Variants in TOP1MT observed in about 807,000 individuals in gnomAD.
The protein encoded by TOP1MT is DNA topoisomerase I mitochondrial, also known as DNA topoisomerase I, mitochondrial.
In TOP1MT, 80 loss-of-function variants were observed where a neutral mutation model predicts 73.9. That is an observed-to-expected ratio of 1.08 (90% confidence interval 0.90 to 1.30). TOP1MT has a LOEUF of 1.30. Among genes scored for constraint, TOP1MT ranks in the 50% most tolerant of loss-of-function variants. The probability of loss-of-function intolerance (pLI) is 0.00; values close to 1 mark genes in which losing one functional copy is unlikely to be tolerated. For missense variants in TOP1MT, 815 were observed against 808.0 expected (o/e 1.01, Z -0.10); for synonymous variants, 338 against 326.4 (o/e 1.04, Z -0.38).
At chr8:143,357,927 A>AG (rs1414152972), upstream of TOP1MT, among the ~76,000 whole-genome samples, 1 of 151,906 alleles carries the variant, frequency 6.6e-6, no homozygotes, top group African/African-American at 2.4e-5. Flanking sequence ...GTCTCAAAAA[A>AG]AAAAAAAAAA....
chr8:143,321,999 C>T, intron 7 of TOP1MT, among the ~76,000 whole-genome samples: 1 of 116,686 alleles, frequency 8.6e-6, no homozygotes, highest in East Asian at 3.0e-4. Context: ...CACATGCACG[C>T]CACACACATG....
chr8:143,348,208 C>T (rs1405741410), upstream of TOP1MT, among the ~76,000 whole-genome samples: 1 of 152,222 alleles, frequency 6.6e-6, no homozygotes, highest in Non-Finnish European at 1.5e-5. This position sits in a 1 kb window ranked among gnomAD's most constrained non-coding sequence, Gnocchi z 4.6. Context: ...CTCCCTGCTC[C>T]AAAGTCCCTC....
At chr8:143,336,983 T>C (rs1816992555), upstream of TOP1MT, among the ~76,000 whole-genome samples, 1 of 152,096 alleles carries the variant, frequency 6.6e-6, no homozygotes, top group Admixed American at 6.5e-5. Flanking sequence ...TATTATAGCA[T>C]GAAAAAATAA....
rs1438548446 is a variant in TOP1MT at position 143,309,420 on chromosome 8, A to T, written c.*21T>A. On this transcript the variant is annotated 3_prime_UTR_variant, in exon 14 of 14. Transcript: ENST00000329245. ...AAAAAAACACACACACATACAAAAG[A>T]AGTTTCAACACGGCTCGTCGTTAGA... 1 of 1,610,690 alleles carries T rather than the reference A, an allele frequency of 6.2e-7. No individual in the cohort carries two copies. The highest frequency in any genetic ancestry group is 8.5e-7 in the Non-Finnish European group (1 of 1,178,574).
At chr8:143,323,601 G>A (rs1480247917) in intron 7 of TOP1MT, among the ~76,000 whole-genome samples, 8 of 31,876 alleles carry the variant, frequency 2.5e-4, no homozygotes, top group African/African-American at 7.4e-4. Flanking sequence ...ACACACACAC[G>A]CACGCCACAC....
upstream of TOP1MT, chr8:143,358,718 G>GCCCACCA (rs1817452949): frequency 2.6e-5 from 4 of 152,156 alleles, no homozygotes; most frequent in Non-Finnish European, 5.9e-5. Flanking sequence ...CAGCAGGACC[G>GCCCACCA]TTCCACAGAG....
At chr8:143,337,530 G>A (rs559959901), upstream of TOP1MT, among the ~76,000 whole-genome samples, 47 of 152,244 alleles carry the variant, frequency 3.1e-4, no homozygotes, top group South Asian at 7.7e-3. Context: ...AAATACAAGG[G>A]ACCCAGAATA....
chr8:143,353,679 C>T (rs949753671), intron 1 of TOP1MT, among the ~76,000 whole-genome samples: 17 of 151,988 alleles, frequency 1.1e-4, no homozygotes, highest in African/African-American at 3.1e-4. Flanking sequence ...AACGGTAATG[C>T]TGCTTTAAAT....
upstream of TOP1MT, chr8:143,335,016 C>G (rs902273276): frequency 2.6e-6 from 2 of 766,008 alleles, no homozygotes; most frequent in African/African-American, 2.0e-5. Flanking sequence ...GGGGCTGCGG[C>G]AGCAGGACCA....
rs773361638 is a variant in TOP1MT, at chr8:143,321,372, T to C, written c.975A>G (p.Ala325=). The C allele has an allele frequency of 6.3e-7, 1 of 1,587,420 alleles. No homozygotes were observed. The highest frequency in any genetic ancestry group is 1.1e-5 in the South Asian group (1 of 89,454). ...CCTCACCGTCCTCCTTCTCATTTCC[T>C]GCTCTCAGTGCCAGCTAGTTGGTGG... The part of the protein sequence containing the change: ...LYFIDKLALR[A]GNEKEDGEAA... Residue 325 remains alanine (A), a synonymous_variant, in exon 8 of 14, where the codon GCA becomes GCG. Coordinates refer to ENST00000329245, the MANE Select transcript of TOP1MT (RefSeq NM_052963.3).
At chr8:143,316,439 C>T (rs183908614) in intron 10 of TOP1MT, among the ~76,000 whole-genome samples, 2 of 151,938 alleles carry the variant, frequency 1.3e-5, no homozygotes, top group Non-Finnish European at 2.9e-5. Flanking sequence ...TGTCACAAGT[C>T]CCCAGCACCC....
upstream of TOP1MT, among the ~76,000 whole-genome samples, chr8:143,346,924 A>C (rs1817230918): frequency 6.6e-6 from 1 of 152,166 alleles, no homozygotes; most frequent in African/African-American, 2.4e-5. Context: ...ATGAGGGTAG[A>C]GCCAAATCAC....
At chr8:143,343,811 T>C (rs2130426613) in intron 1 of TOP1MT, 1 of 154,610 alleles carries the variant, frequency 6.5e-6, no homozygotes, top group Middle Eastern at 3.4e-3. Flanking sequence ...AGAGGCGCCA[T>C]CCCTGGGAAC....
rs1256914983 is a variant in TOP1MT, at chr8:143,323,309, TCAC to T, written c.960+687_960+689del. On this transcript the variant is annotated intron_variant, in intron 7 of 13. Coordinates refer to ENST00000329245, the MANE Select transcript of TOP1MT (RefSeq NM_052963.3). ...CCACACACGCACGCCACACACATGC[TCAC>T]CACACGCACGCCACACACATGCACG... Among the ~76,000 whole-genome samples the T allele has an allele frequency of 9.0e-3, 196 of 21,684 alleles. 2 individuals are homozygous for T. Among genetic ancestry groups the T allele is most frequent in the Non-Finnish European group, 0.015 (171 of 11,386 alleles). 14.2% of individuals were successfully genotyped at this position (21,684 alleles called of 152,430 possible).
rs1239993110 is a variant in TOP1MT, at chr8:143,341,947, GTTA to G, written c.29+1270_29+1272del. Among the ~76,000 whole-genome samples the G allele has an allele frequency of 2.7e-3, 390 of 146,734 alleles. 2 individuals carry two copies. The highest frequency in any genetic ancestry group is 5.0e-3 in the Admixed American group (73 of 14,536). On this transcript the variant is annotated intron_variant, in intron 2 of 5. Coordinates refer to the TOP1MT transcript ENST00000518007. The surrounding 1 kb of genome is among the most constrained non-coding windows in gnomAD (Gnocchi z 4.1). Reference sequence around the variant, plus strand: ...TATTATTGAGACAGAGTCTCGCTCTGTTATTATTATTATTAGAGACAGAGTCTC... The same window carrying G: ...TATTATTGAGACAGAGTCTCGCTCTGTTATTATTATTAGAGACAGAGTCTC...
chr8:143,332,418 T>C, intron 1 of TOP1MT: 4 of 1,158,498 alleles, frequency 3.5e-6, no homozygotes, highest in East Asian at 5.9e-5. Flanking sequence ...TGGGGGAGAG[T>C]GAGATGGGCA....
In TOP1MT at chr8:143,331,284, C is replaced by A. The variant is rs1486722847; in HGVS notation, c.178G>T (p.Gly60Cys). Residue 60 changes from glycine (G) to cysteine (C), a missense_variant, in exon 2 of 14, where the codon GGC (glycine) becomes TGC (cysteine). Physicochemically the swap from Gly to Cys is radical, Grantham distance 159 (BLOSUM62 -3). Coordinates refer to ENST00000329245, the MANE Select transcript of TOP1MT (RefSeq NM_052963.3). ...TCGTATGGGGGTGCGAAGTACGGGC[C>A]CTTGTGCTCCAGCTGTCTCCACTTC... is the stretch of plus-strand genomic sequence containing the variant. ...GVKWRQLEHK[G>C]PYFAPPYEPL... 6.2e-7 allele frequency: 1 copy of A among 1,612,944 alleles called. No homozygotes were observed. The highest frequency in any genetic ancestry group is 1.3e-5 in the African/African-American group (1 of 74,914).
chr8:143,314,691 G>A (rs978839748), intron 12 of TOP1MT, among the ~76,000 whole-genome samples: 1 of 152,152 alleles, frequency 6.6e-6, no homozygotes, highest in Non-Finnish European at 1.5e-5. Context: ...TGGTGTGGGC[G>A]GCAGCTACCT....
chr8:143,322,698 C>CGCACGCCACACAT (rs1554620386), intron 7 of TOP1MT, among the ~76,000 whole-genome samples: 3 of 46,998 alleles, frequency 6.4e-5, no homozygotes, highest in Non-Finnish European at 1.1e-4. Context: ...GCACGCCACA[C>CGCACGCCACACAT]GCACGCCACA....
Sources: gnomAD v4.1 joint callset for allele counts (sites outside exome capture counted in the v4.1 genomes callset) on GRCh38, gnomAD v4.1.1 for gene constraint, Gnocchi (gnomAD v3.1) non-coding constraint, MANE v1.5 for transcripts, NCBI Gene and HGNC (gene_info 2026-07-23, HGNC 2026-07-21) for gene names.